The following STK26 variants were observed in gnomAD, a reference collection of about 807,000 sequenced individuals.
STK26 encodes serine/threonine-protein kinase 26.
Under a neutral mutation model 34.7 loss-of-function variants are expected in STK26, and 14 were observed. The ratio of observed to expected loss-of-function variants is 0.40; its 90% CI spans 0.27 to 0.63. The LOEUF (loss-of-function observed/expected upper bound fraction) is 0.63, where lower values mean the gene tolerates loss of function less well. Among genes scored for constraint, STK26 ranks in the 30% least tolerant of loss-of-function variants. The pLI is 0.38. For missense variants in STK26, 226 were observed against 309.1 expected, an observed-to-expected ratio of 0.73 and a Z score of 2.02; for synonymous variants, 100 against 109.8, an observed-to-expected ratio of 0.91 and a Z score of 0.56.
chrX:132,023,807 G>A, intron 2 of STK26, 148 bp downstream of exon 2: 2 of 710,313 alleles, frequency 2.8e-6, no homozygotes, highest in South Asian at 5.6e-5. Flanking sequence ...TGGGAGTAGG[G>A]CTGGAGGTGT....
intron 2 of STK26, among the ~76,000 whole-genome samples, chrX:132,051,170 G>A (rs1602760304): frequency 8.9e-6 from 1 of 112,037 alleles, no homozygotes; most frequent in East Asian, 2.8e-4. Context: ...CAAGCAAGAT[G>A]TTCACCTAAC....
intron 2 of STK26, among the ~76,000 whole-genome samples, chrX:132,054,046 T>C (rs1259998170): frequency 1.8e-5 from 2 of 111,932 alleles, no homozygotes; most frequent in Admixed American, 9.5e-5. Flanking sequence ...ATTACAAAGG[T>C]ATAGAATCTT....
chrX:132,026,967 G>A (rs1265592190), intron 2 of STK26, among the ~76,000 whole-genome samples: 1 of 112,142 alleles, frequency 8.9e-6, no homozygotes, highest in East Asian at 2.8e-4. Flanking sequence ...ATAATCACTG[G>A]GTTCTGGGAA....
At chrX:132,027,114 A>G (rs1450809412) in intron 2 of STK26, among the ~76,000 whole-genome samples, 2 of 112,255 alleles carry the variant, frequency 1.8e-5, no homozygotes, top group African/African-American at 3.2e-5. Context: ...TCTCACTGGA[A>G]GTGTTGAAGG....
intron 4 of STK26, among the ~76,000 whole-genome samples, chrX:132,067,601 A>G (rs1927262995): frequency 8.9e-6 from 1 of 111,847 alleles, no homozygotes; most frequent in Admixed American, 9.5e-5. Flanking sequence ...TTTGAAAAAC[A>G]TTATCCCTCC....
chrX:132,059,950 CTT>C (rs1336067264), intron 3 of STK26, among the ~76,000 whole-genome samples: 1 of 111,750 alleles, frequency 8.9e-6, no homozygotes, highest in Non-Finnish European at 1.9e-5. Context: ...TTGGAGTTCT[CTT>C]ATAAAACTTG....
At position 132,073,046 on chromosome X, in the gene STK26, C is replaced by T. The variant is rs1927470322; in HGVS notation, c.1179C>T (p.Pro393=). The change falls in exon 11 of 12, where the codon CCC becomes CCT. Residue 393 remains proline, a synonymous_variant. Transcript: ENST00000394334. The stretch of plus-strand genomic sequence containing the variant: ...TTGCTGTGGCTGAAGCCGCCTGTCC[C>T]GGCATCACAGATAAAATGGTGAAGA... The part of the protein sequence containing the change: ...KSIAVAEAAC[P]GITDKMVKKL... 4 of 1,205,185 alleles carry T rather than the reference C, an allele frequency of 3.3e-6. No individual in the cohort carries two copies. The highest frequency in any genetic ancestry group is 2.2e-5 in the Admixed American group (1 of 44,756).
At chrX:132,065,707 G>C (rs1304112980) in intron 4 of STK26, among the ~76,000 whole-genome samples, 4 of 112,272 alleles carry the variant, frequency 3.6e-5, no homozygotes, top group Non-Finnish European at 7.5e-5. Flanking sequence ...CATAAACCCA[G>C]TGCTAACACT....
chrX:132,060,555 T>C lies in STK26; in HGVS notation c.274-2878T>C, dbSNP rs1005062970. Among the ~76,000 whole-genome samples the C allele has an allele frequency of 4.5e-5, 5 of 111,061 alleles. No individual in the cohort carries two copies. The South Asian group carries it at 1.9e-3, about 43-fold the overall frequency. ...CTCTCTGGCATTGGCTACATTCACA[T>C]TGATTTTGTGTTTTTTTTGTTTGTT... is the stretch of plus-strand genomic sequence containing the variant. On this transcript the variant is annotated intron_variant, in intron 3 of 11. Coordinates refer to ENST00000394334, the MANE Select transcript of STK26 (RefSeq NM_016542.4).
chrX:132,032,441 T>C (rs1333764410), intron 2 of STK26, among the ~76,000 whole-genome samples: 1 of 112,012 alleles, frequency 8.9e-6, no homozygotes, highest in Non-Finnish European at 1.9e-5. Context: ...ATCGAAGCCA[T>C]TGTGTTTTTG....
rs1450981223 is a variant in STK26 at position 132,075,064 on chromosome X, G to A, written c.*905G>A. 1.8e-5 allele frequency: 2 copies of A among 111,093 alleles called. No homozygotes were observed. Among genetic ancestry groups the A allele is most frequent in the Non-Finnish European group, 3.8e-5 (2 of 52,698 alleles). The allele number at this position is 111,093 out of a possible 1,213,427, so 9.2% of individuals were successfully genotyped here. A position where few individuals can be genotyped will look rare whatever the true frequency, so the allele number is the denominator to read the frequency against. On this transcript the variant is annotated 3_prime_UTR_variant, in exon 12 of 12. Coordinates refer to ENST00000394334, the MANE Select transcript of STK26 (RefSeq NM_016542.4). The stretch of plus-strand genomic sequence containing the variant: ...ACTTAAATCAGCATATTTTTGCCAT[G>A]GTAATAAATTGTCCTATAAACTATT...
chrX:132,064,697 A>G (rs922655251), intron 4 of STK26, among the ~76,000 whole-genome samples: 42 of 111,455 alleles, frequency 3.8e-4, no homozygotes, highest in African/African-American at 1.3e-3. Context: ...AAGTTGCACT[A>G]AGTTATTTCT....
At chrX:132,030,424 A>T (rs1236692081) in intron 2 of STK26, among the ~76,000 whole-genome samples, 1 of 110,776 alleles carries the variant, frequency 9.0e-6, no homozygotes, top group Non-Finnish European at 1.9e-5. Context: ...CACTCCCCAA[A>T]AAACAAACAT....
intron 2 of STK26, among the ~76,000 whole-genome samples, chrX:132,031,016 A>C (rs1444434548): frequency 9.0e-6 from 1 of 110,972 alleles, no homozygotes; most frequent in African/African-American, 3.3e-5. Context: ...AGTTTACTGC[A>C]GCCTCAACCT....
At chrX:132,032,086 GA>G (rs1925862217) in intron 2 of STK26, among the ~76,000 whole-genome samples, 1 of 111,442 alleles carries the variant, frequency 9.0e-6, no homozygotes, top group African/African-American at 3.3e-5. Flanking sequence ...CCTTGCTGGG[GA>G]TAGAGCTACA....
Position 132,044,790 on chromosome X carries a change from T to G in STK26, c.43-9841T>G. On this transcript the variant is annotated intron_variant, in intron 2 of 11. Transcript: ENST00000394334. ...ATAGAGAGATCTATATATATATTTATATATATAGAGAGAGATCTATATATA... is the reference window on the plus strand; with the variant it reads ...ATAGAGAGATCTATATATATATTTAGATATATAGAGAGAGATCTATATATA... 1.1e-4 allele frequency among the ~76,000 whole-genome samples: 4 copies of G among 37,296 alleles called. 1 individual carries two copies. Among genetic ancestry groups the G allele is most frequent in the African/African-American group, 2.8e-4 (2 of 7,260 alleles). 32.4% of individuals were successfully genotyped at this position (37,296 alleles called of 115,157 possible).
intron 3 of STK26, among the ~76,000 whole-genome samples, chrX:132,056,506 G>T (rs1387575840): frequency 1.8e-5 from 2 of 111,780 alleles, no homozygotes; most frequent in Non-Finnish European, 3.8e-5. Context: ...GTCTTTGGTG[G>T]CAAGAGCTGC....
rs1277594088 is a variant in STK26 at position 132,068,221 on chromosome X, G to T, written c.337G>T (p.Ala113Ser). Residue 113 changes from alanine to serine, a missense_variant, in exon 5 of 12, where the codon GCT (alanine) becomes TCT (serine). Transcript: ENST00000394334. ...GGGSALDLLRAGPFDEFQIAT... is the reference protein window; with the variant it reads ...GGGSALDLLRSGPFDEFQIAT... ...GTGTGTTTTTCCCCTTAAGCTTCGA[G>T]CTGGTCCATTTGATGAGTTCCAGAT... 1 of 1,196,803 alleles carries T rather than the reference G, an allele frequency of 8.4e-7. No individual in the cohort carries two copies. Among genetic ancestry groups the T allele is most frequent in the East Asian group, 3.0e-5 (1 of 33,671 alleles).
rs767133710 is a variant in STK26, at chrX:132,027,919, G to A, written c.42+4260G>A. Among the ~76,000 whole-genome samples the A allele has an allele frequency of 1.8e-3, 196 of 107,980 alleles. 2 individuals are homozygous for A. Among genetic ancestry groups the A allele is most frequent in the African/African-American group, 6.3e-3 (185 of 29,560 alleles). 93.8% of individuals were successfully genotyped at this position (107,980 alleles called of 115,157 possible). A position where few individuals can be genotyped will look rare whatever the true frequency, so the allele number is the denominator to read the frequency against. On this transcript the variant is annotated intron_variant, in intron 2 of 11. Transcript: ENST00000394334. ...CACCCAGACTGTAGTGCAGTGGCGC[G>A]ATCACAGCTGACTGCAGCCGCCACT...
Sources: gnomAD v4.1 joint callset for allele counts (sites outside exome capture counted in the v4.1 genomes callset) on GRCh38, gnomAD v4.1.1 for gene constraint, MANE v1.5 for transcripts, NCBI Gene and HGNC (gene_info 2026-07-23, HGNC 2026-07-21) for gene names.